MSI2: variants seen among roughly 807,000 people sequenced by gnomAD.
The protein encoded by MSI2 is musashi RNA binding protein 2.
A neutral mutation model predicts 45.6 loss-of-function variants in MSI2; 17 were observed. That is an observed-to-expected ratio of 0.37 (90% CI 0.26 to 0.56). The LOEUF is 0.56. MSI2 is among the 20% of genes least tolerant of loss of function. MSI2 has a pLI of 0.77. For synonymous variants in MSI2, 156 were observed against 158.2 expected, an observed-to-expected ratio of 0.99 and a Z score of 0.11; for missense variants, 293 against 444.2, an observed-to-expected ratio of 0.66 and a Z score of 3.06.
chr17:57,606,328 C>T (rs146368598), intron 8 of MSI2: 8 of 152,290 alleles, frequency 5.3e-5, no homozygotes, highest in Admixed American at 1.3e-4. Flanking sequence ...GGATTAGCTC[C>T]GAGAGCCCTA....
chr17:57,525,751 T>C (rs2086683680), intron 6 of MSI2, among the ~76,000 whole-genome samples: 1 of 152,196 alleles, frequency 6.6e-6, no homozygotes, highest in Non-Finnish European at 1.5e-5. Flanking sequence ...ATGCTGAGGA[T>C]CAGACACCTC....
intron 6 of MSI2, among the ~76,000 whole-genome samples, chr17:57,432,080 G>A (rs141660175): frequency 4.6e-5 from 7 of 152,098 alleles, no homozygotes; most frequent in African/African-American, 7.2e-5. Flanking sequence ...GAGTTGTGTC[G>A]CACTTCATAA....
At chr17:57,384,551 C>T (rs1009604973) in intron 5 of MSI2, among the ~76,000 whole-genome samples, 26 of 152,294 alleles carry the variant, frequency 1.7e-4, no homozygotes, top group African/African-American at 5.8e-4. Flanking sequence ...CTTCTTCTGT[C>T]CTCTGTTGGT....
Position 57,295,992 on chromosome 17 carries a change from C to CTTTTTTTTTTTTTTTT in MSI2, c.312+33819_312+33834dup, listed in dbSNP as rs386386327. Among the ~76,000 whole-genome samples the CTTTTTTTTTTTTTTTT allele has an allele frequency of 3.9e-4, 15 of 38,654 alleles. 1 individual carries two copies. The highest frequency in any genetic ancestry group is 5.2e-4 in the Admixed American group (1 of 1,938). 25.4% of individuals were successfully genotyped at this position (38,654 alleles called of 152,430 possible). A position where few individuals can be genotyped will look rare whatever the true frequency, so the allele number is the denominator to read the frequency against. On this transcript the variant is annotated intron_variant, in intron 5 of 13. Transcript: ENST00000284073. ...TGAGTTACCAGTTCACGCAGCCTTC[C>CTTTTTTTTTTTTTTTT]TTTTTTTTTTTTTTTTTTTTTTTTT...
intron 6 of MSI2, among the ~76,000 whole-genome samples, chr17:57,480,540 C>T (rs539586117): frequency 6.6e-6 from 1 of 152,292 alleles, no homozygotes; most frequent in South Asian, 2.1e-4. Context: ...ATCTGCCTTA[C>T]CCTAAGCCCT....
chr17:57,342,887 TTACA>T (rs1915290056), intron 5 of MSI2, among the ~76,000 whole-genome samples: 1 of 152,238 alleles, frequency 6.6e-6, no homozygotes, highest in African/African-American at 2.4e-5. Context: ...TAAGTCTTAC[TTACA>T]TACACACACA....
chr17:57,573,838 T>C (rs1475001374), intron 7 of MSI2, among the ~76,000 whole-genome samples: 1 of 152,218 alleles, frequency 6.6e-6, no homozygotes, highest in African/African-American at 2.4e-5. Context: ...TTGCTGAGCA[T>C]CTGATTCCTC....
intron 5 of MSI2, among the ~76,000 whole-genome samples, chr17:57,295,929 T>G (rs1349468504): frequency 6.9e-6 from 1 of 144,176 alleles, no homozygotes; most frequent in Non-Finnish European, 1.5e-5. Context: ...TCTAAAAGAA[T>G]CTCATGCTCA....
At position 57,463,844 on chromosome 17, in the gene MSI2, A is replaced by G. The variant is rs374680433; in HGVS notation, c.405+62373A>G. On this transcript the variant is annotated intron_variant, in intron 6 of 13. Coordinates refer to ENST00000284073, the MANE Select transcript of MSI2 (RefSeq NM_138962.4). Reference sequence around the variant, plus strand: ...TCATTCTCTATATTATCCAACCAGCATCGCCCTCTTCTTTGTCATTTGTTC... The same window carrying G: ...TCATTCTCTATATTATCCAACCAGCGTCGCCCTCTTCTTTGTCATTTGTTC... Among the ~76,000 whole-genome samples the G allele has an allele frequency of 8.2e-4, 125 of 152,132 alleles. 1 individual carries two copies. In the Middle Eastern group the frequency reaches 0.017, roughly 21 times the overall value.
intron 6 of MSI2, among the ~76,000 whole-genome samples, chr17:57,491,114 T>C (rs556102871): frequency 6.6e-6 from 1 of 152,336 alleles, no homozygotes; most frequent in African/African-American, 2.4e-5. Context: ...GGGCTTATCC[T>C]TGAGACCTCA....
intron 6 of MSI2, among the ~76,000 whole-genome samples, chr17:57,524,990 A>C (rs1490368386): frequency 6.6e-6 from 1 of 152,052 alleles, no homozygotes; most frequent in African/African-American, 2.4e-5. Flanking sequence ...TGAATCAGTC[A>C]CTCTGGCTCT....
At chr17:57,677,445 G>T (rs140940545) in intron 13 of MSI2, among the ~76,000 whole-genome samples, 11 of 152,290 alleles carry the variant, frequency 7.2e-5, no homozygotes, top group Non-Finnish European at 1.2e-4. Context: ...TTGGGCTTCT[G>T]CTAGGCCTGG....
intron 10 of MSI2, among the ~76,000 whole-genome samples, chr17:57,646,941 T>C (rs1457350186): frequency 6.6e-6 from 1 of 152,124 alleles, no homozygotes; most frequent in Non-Finnish European, 1.5e-5. Context: ...ATCAGCAAAA[T>C]GATTTTCTCT....
intron 7 of MSI2, among the ~76,000 whole-genome samples, chr17:57,545,908 T>C (rs1405341061): frequency 6.6e-6 from 1 of 151,344 alleles, no homozygotes; most frequent in Non-Finnish European, 1.5e-5. Flanking sequence ...CTGAGTCGCC[T>C]GAAGTGCCAT....
chr17:57,579,156 T>C (rs1410997221), intron 7 of MSI2, among the ~76,000 whole-genome samples: 2 of 152,196 alleles, frequency 1.3e-5, no homozygotes, highest in Non-Finnish European at 2.9e-5. Context: ...TAATAAAGGA[T>C]GTAATATTTT....
chr17:57,491,725 G>A (rs548350675), intron 6 of MSI2, among the ~76,000 whole-genome samples: 5 of 152,282 alleles, frequency 3.3e-5, no homozygotes, highest in African/African-American at 9.6e-5. Flanking sequence ...GCAGGAGGAT[G>A]GCCAACGCCT....
At chr17:57,372,635 A>G (rs543967901) in intron 5 of MSI2, among the ~76,000 whole-genome samples, 1 of 152,366 alleles carries the variant, frequency 6.6e-6, no homozygotes, top group African/African-American at 2.4e-5. Context: ...ACATTTTATT[A>G]TCAATGAATA....
intron 9 of MSI2, among the ~76,000 whole-genome samples, chr17:57,621,291 A>G (rs973510792): frequency 6.6e-6 from 1 of 152,212 alleles, no homozygotes; most frequent in Admixed American, 6.5e-5. Flanking sequence ...TCATGCAGAA[A>G]AACATTTTCT....
intron 6 of MSI2, among the ~76,000 whole-genome samples, chr17:57,518,857 G>A (rs780246877): frequency 2.6e-5 from 4 of 152,226 alleles, no homozygotes; most frequent in Admixed American, 6.5e-5. Context: ...ACGAGAGGCC[G>A]TTAGGCCAGA....
Sources: allele counts gnomAD v4.1 joint callset (sites outside exome capture counted in the v4.1 genomes callset), GRCh38; gene constraint gnomAD v4.1.1; transcripts MANE v1.5; gene names NCBI Gene and HGNC (gene_info 2026-07-23, HGNC 2026-07-21).